Variants in TPST1 observed in about 807,000 individuals in gnomAD.
TPST1 encodes tyrosylprotein sulfotransferase 1, also known as protein-tyrosine sulfotransferase 1.
Under a neutral mutation model 34.8 loss-of-function variants are expected in TPST1, and 20 were observed. The ratio of observed to expected loss-of-function variants is 0.57; its 90% confidence interval spans 0.40 to 0.84. TPST1 has a LOEUF of 0.84. TPST1 is among the 40% of genes least tolerant of loss of function. The pLI is 0.00. For missense variants in TPST1, 353 were observed against 455.5 expected (o/e 0.78, Z 2.05); for synonymous variants, 152 against 159.4 (o/e 0.95, Z 0.35).
the TPST1 span, among the ~76,000 whole-genome samples, chr7:66,199,107 G>C: frequency 6.6e-6 from 1 of 152,088 alleles, no homozygotes; most frequent in African/African-American, 2.4e-5. Flanking sequence ...AGGACCCTGA[G>C]TGACCCAAGT....
chr7:66,266,152 C>T (rs1434582860), intron 2 of TPST1, among the ~76,000 whole-genome samples: 1 of 152,126 alleles, frequency 6.6e-6, no homozygotes, highest in Non-Finnish European at 1.5e-5. Flanking sequence ...TGCCAGAGGA[C>T]AGGAAGGATG....
At chr7:66,242,800 T>C (rs920214408) in intron 2 of TPST1, among the ~76,000 whole-genome samples, 16 of 152,158 alleles carry the variant, frequency 1.1e-4, no homozygotes, top group Admixed American at 1.0e-3. Context: ...AAGAGAACAT[T>C]TTGTGTATAT....
At chr7:66,238,197 G>A (rs544216275) in intron 1 of TPST1, among the ~76,000 whole-genome samples, 95 of 152,174 alleles carry the variant, frequency 6.2e-4, no homozygotes, top group African/African-American at 2.1e-3. Flanking sequence ...GCTAAATCAC[G>A]GAGATTTGGA....
At chr7:66,286,732 A>G in intron 3 of TPST1, 23 bp downstream of exon 3, 2 of 1,449,232 alleles carry the variant, frequency 1.4e-6, no homozygotes, top group Non-Finnish European at 1.8e-6. Flanking sequence ...TTTTAAAGCA[A>G]CTGAGAAAAC....
chr7:66,199,006 T>C, the TPST1 span, among the ~76,000 whole-genome samples: 3 of 152,190 alleles, frequency 2.0e-5, no homozygotes, highest in Non-Finnish European at 2.9e-5. Flanking sequence ...TTTAGGTCAC[T>C]TTAGGTGGAG....
At chr7:66,336,785 GA>G (rs1792129677) in intron 3 of TPST1, among the ~76,000 whole-genome samples, 1 of 152,094 alleles carries the variant, frequency 6.6e-6, no homozygotes, top group South Asian at 2.1e-4. Flanking sequence ...CCAAAGAAGA[GA>G]TACCTATGGC....
chr7:66,213,660 C>T (rs901147653), intron 1 of TPST1, among the ~76,000 whole-genome samples: 5 of 151,504 alleles, frequency 3.3e-5, no homozygotes, highest in African/African-American at 7.3e-5. Flanking sequence ...GAGGCTGAGG[C>T]GCGAACCCAG....
chr7:66,211,146 T>A (rs558266315), intron 1 of TPST1, among the ~76,000 whole-genome samples: 2 of 152,206 alleles, frequency 1.3e-5, no homozygotes, highest in East Asian at 1.9e-4. Context: ...TTTTTATTTT[T>A]TTTTTGAGAT....
upstream of TPST1, among the ~76,000 whole-genome samples, chr7:66,200,420 CT>C (rs35086138): frequency 3.8e-3 from 514 of 136,518 alleles, 2 homozygotes; most frequent in Admixed American, 7.0e-3. Flanking sequence ...GTGAAGTTAT[CT>C]TTTTTTTTTT....
chr7:66,318,148 A>T (rs1430201589), intron 3 of TPST1, among the ~76,000 whole-genome samples: 2 of 152,064 alleles, frequency 1.3e-5, no homozygotes, highest in Non-Finnish European at 2.9e-5. Flanking sequence ...ACAGAGCAAG[A>T]CTCTTTCTCA....
At chr7:66,270,352 T>C (rs1049200142) in intron 2 of TPST1, among the ~76,000 whole-genome samples, 7 of 152,202 alleles carry the variant, frequency 4.6e-5, no homozygotes, top group African/African-American at 1.7e-4. Flanking sequence ...CTTATAACTA[T>C]TACCCATGTT....
intron 3 of TPST1, among the ~76,000 whole-genome samples, chr7:66,350,734 C>T (rs1450851985): frequency 6.6e-6 from 1 of 152,144 alleles, no homozygotes; most frequent in African/African-American, 2.4e-5. Context: ...CAATAACTTT[C>T]CTTAGTTTCT....
intron 1 of TPST1, among the ~76,000 whole-genome samples, chr7:66,230,893 G>A (rs62465552): frequency 0.037 from 5,603 of 152,170 alleles, 165 homozygotes; most frequent in East Asian, 0.089. Context: ...GGTTCTCCAC[G>A]TCCTCATCAG....
intron 3 of TPST1, among the ~76,000 whole-genome samples, chr7:66,309,516 C>T (rs1224249482): frequency 1.3e-5 from 2 of 152,104 alleles, no homozygotes; most frequent in African/African-American, 4.8e-5. Flanking sequence ...CTGAGGGTCA[C>T]AGCAGGTTGG....
rs1562794060 is a variant in TPST1 at position 66,205,754 on chromosome 7, C to G, written c.-102+232C>G. On this transcript the variant is annotated intron_variant, in intron 1 of 5. Coordinates refer to ENST00000304842, the MANE Select transcript of TPST1 (RefSeq NM_003596.4). This position sits in a 1 kb window ranked among gnomAD's most constrained non-coding sequence, Gnocchi z 5.0. ...CCGGGCTCGGCTTCGCCCCGGCCGC[C>G]GGGGCCTCTCCCCTCTGCCCTTTCT... 1 of 152,640 alleles carries G rather than the reference C, an allele frequency of 6.6e-6. No individual in the cohort carries two copies. The highest frequency in any genetic ancestry group is 1.5e-5 in the Non-Finnish European group (1 of 68,520). The allele number at this position is 152,640 out of a possible 1,614,324, so 9.5% of individuals were successfully genotyped here.
In TPST1 at chr7:66,240,897, A is replaced by G; in HGVS notation, c.472A>G (p.Asn158Asp). ...KHGEPAPYLC[N>D]KDPFALKSLT... ...TGGGGAGCCAGCCCCTTATTTATGTAATAAAGATCCTTTTGCCCTGAAATC... is the reference window on the plus strand; with the variant it reads ...TGGGGAGCCAGCCCCTTATTTATGTGATAAAGATCCTTTTGCCCTGAAATC... The change falls in exon 2 of 6, where the codon AAT becomes GAT. Residue 158 changes from asparagine to aspartate, a missense_variant. Asn to Asp is a conservative substitution (Grantham distance 23). Transcript: ENST00000304842. 1 of 1,614,184 alleles carries G rather than the reference A, an allele frequency of 6.2e-7. No individual in the cohort carries two copies. The highest frequency in any genetic ancestry group is 8.5e-7 in the Non-Finnish European group (1 of 1,180,046).
chr7:66,244,110 A>C (rs1351498246), intron 2 of TPST1, among the ~76,000 whole-genome samples: 1 of 151,568 alleles, frequency 6.6e-6, no homozygotes, highest in African/African-American at 2.4e-5. Context: ...CACCACGCCC[A>C]GCTAATTTTT....
At chr7:66,325,476 A>AT (rs1375805913) in intron 3 of TPST1, among the ~76,000 whole-genome samples, 2 of 151,818 alleles carry the variant, frequency 1.3e-5, no homozygotes, top group Non-Finnish European at 2.9e-5. Flanking sequence ...GTTTTTAACA[A>AT]TTTTTTTAAG....
At chr7:66,260,195 A>G (rs1790460507) in intron 2 of TPST1, among the ~76,000 whole-genome samples, 1 of 152,322 alleles carries the variant, frequency 6.6e-6, no homozygotes, top group Non-Finnish European at 1.5e-5. Context: ...AAATATTTGC[A>G]TATACCTGAT....
Sources: gnomAD v4.1 joint callset for allele counts (sites outside exome capture counted in the v4.1 genomes callset) on GRCh38, gnomAD v4.1.1 for gene constraint, Gnocchi (gnomAD v3.1) non-coding constraint, MANE v1.5 for transcripts, NCBI Gene and HGNC (gene_info 2026-07-23, HGNC 2026-07-21) for gene names.